CNTLN: variants seen among roughly 807,000 people sequenced by gnomAD.
CNTLN encodes centlein, centrosomal protein.
Under a neutral mutation model 180.0 loss-of-function variants are expected in CNTLN, and 212 were observed. The ratio of observed to expected loss-of-function variants is 1.18; its 90% confidence interval spans 1.05 to 1.32. CNTLN has a LOEUF of 1.32. Ranked by LOEUF, CNTLN falls within the 40% of genes most tolerant of loss-of-function variation. The pLI is 0.00. For missense variants in CNTLN, 2,095 were observed against 1,610.9 expected (o/e 1.30, Z -5.14); for synonymous variants, 722 against 563.1 (o/e 1.28, Z -3.99).
At chr9:17,294,016 C>T (rs1448199675) in intron 6 of CNTLN, among the ~76,000 whole-genome samples, 1 of 152,174 alleles carries the variant, frequency 6.6e-6, no homozygotes, top group Non-Finnish European at 1.5e-5. Flanking sequence ...GTGAGTGTTA[C>T]AGTTCTTAAA....
chr9:17,495,417 G>A (rs1485517547), intron 25 of CNTLN, among the ~76,000 whole-genome samples: 1 of 151,502 alleles, frequency 6.6e-6, no homozygotes, highest in Non-Finnish European at 1.5e-5. Flanking sequence ...GTAGGCCCAG[G>A]GTAATGTGTG....
chr9:17,388,197 A>C lies in CNTLN; in HGVS notation c.2023A>C (p.Lys675Gln). ...TAGATCTGGTGAAGATGATGAGGTCAAGAGGAGTACTCCAGAGAAGAATGG... is the reference window on the plus strand; with the variant it reads ...TAGATCTGGTGAAGATGATGAGGTCCAGAGGAGTACTCCAGAGAAGAATGG... Reference protein sequence around the residue: ...LFRSGEDDEVKRSTPEKNGKE... With the variant: ...LFRSGEDDEVQRSTPEKNGKE... Residue 675 changes from lysine (K) to glutamine (Q), a missense_variant, in exon 14 of 26, where the codon AAG becomes CAG. By Grantham distance (53) the Lys-to-Gln change is moderately conservative. Coordinates refer to ENST00000380647, the MANE Select transcript of CNTLN (RefSeq NM_017738.4). The C allele has an allele frequency of 6.2e-7, 1 of 1,612,524 alleles. No homozygotes were observed. The highest frequency in any genetic ancestry group is 1.1e-5 in the South Asian group (1 of 90,964).
intron 6 of CNTLN, among the ~76,000 whole-genome samples, chr9:17,280,100 T>C (rs1334354270): frequency 6.6e-6 from 1 of 152,182 alleles, no homozygotes; most frequent in East Asian, 1.9e-4. Flanking sequence ...CCTTTTTCTT[T>C]ATAAATTACC....
intron 19 of CNTLN, 146 bp downstream of exon 19, chr9:17,457,861 T>G: frequency 2.1e-6 from 1 of 466,920 alleles, no homozygotes; most frequent in Non-Finnish European, 3.6e-6. Flanking sequence ...TCATCATTAA[T>G]TTTTAGCCTG....
At chr9:17,524,712 A>T in the CNTLN span, among the ~76,000 whole-genome samples, 1 of 152,228 alleles carries the variant, frequency 6.6e-6, no homozygotes, top group Non-Finnish European at 1.5e-5. Flanking sequence ...GTAAACTTTA[A>T]ATCCTTCTCT....
chr9:17,361,269 T>C (rs1823368232), intron 12 of CNTLN, among the ~76,000 whole-genome samples: 1 of 152,114 alleles, frequency 6.6e-6, no homozygotes, highest in African/African-American at 2.4e-5. Flanking sequence ...TGTCCATGTG[T>C]TCTCATTGTT....
chr9:17,434,096 A>G (rs937354741), intron 18 of CNTLN, among the ~76,000 whole-genome samples: 1 of 152,136 alleles, frequency 6.6e-6, no homozygotes, highest in Non-Finnish European at 1.5e-5. Context: ...CTGTAGTGAT[A>G]GTCCTTGTTT....
chr9:17,152,410 G>C (rs189863913), intron 2 of CNTLN, among the ~76,000 whole-genome samples: 310 of 152,130 alleles, frequency 2.0e-3, no homozygotes, highest in African/African-American at 6.9e-3. Context: ...CCTTCATTTC[G>C]TTATTTACCC....
At chr9:17,366,578 C>A (rs572359319) in intron 12 of CNTLN, 39 bp from the exon 13 acceptor site, 34 of 989,570 alleles carry the variant, frequency 3.4e-5, no homozygotes, top group Non-Finnish European at 4.7e-5. Context: ...TTAAATAAAA[C>A]AATATGGTTT....
Position 17,266,147 on chromosome 9 carries a change from A to G in CNTLN, c.850-7586A>G, listed in dbSNP as rs534679779. Among the ~76,000 whole-genome samples, 765 of 105,690 alleles carry G rather than the reference A, an allele frequency of 7.2e-3. 4 individuals are homozygous for G. The highest frequency in any genetic ancestry group is 0.032 in the African/African-American group (711 of 21,896). The allele number at this position is 105,690 out of a possible 152,430, so 69.3% of individuals were successfully genotyped here. A position where few individuals can be genotyped will look rare whatever the true frequency, so the allele number is the denominator to read the frequency against. On this transcript the variant is annotated intron_variant, in intron 5 of 25. Transcript: ENST00000380647. Reference sequence around the variant, plus strand: ...TGTGAAGTTAGGGTGTCAGTTTTGGATCTTCCTGCTTTCTCTTTTGGGCAT... The same window carrying G: ...TGTGAAGTTAGGGTGTCAGTTTTGGGTCTTCCTGCTTTCTCTTTTGGGCAT...
At chr9:17,495,222 A>G (rs937992165) in intron 25 of CNTLN, among the ~76,000 whole-genome samples, 22 of 151,790 alleles carry the variant, frequency 1.4e-4, no homozygotes, top group Admixed American at 1.0e-3. Context: ...GTGTACTCTT[A>G]TACTTATTAA....
intron 10 of CNTLN, among the ~76,000 whole-genome samples, chr9:17,333,072 C>T (rs1820752058): frequency 6.6e-6 from 1 of 151,990 alleles, no homozygotes; most frequent in Admixed American, 6.6e-5. Flanking sequence ...ATATGATAAA[C>T]ATATGTAAAT....
intron 15 of CNTLN, among the ~76,000 whole-genome samples, chr9:17,400,019 T>C (rs1240095282): frequency 6.6e-6 from 1 of 152,250 alleles, no homozygotes; most frequent in East Asian, 1.9e-4. Flanking sequence ...GTAAAACTTA[T>C]ATTAAATAGA....
chr9:17,400,944 A>G (rs921119638), intron 15 of CNTLN, among the ~76,000 whole-genome samples: 2 of 152,168 alleles, frequency 1.3e-5, no homozygotes, highest in African/African-American at 4.8e-5. Flanking sequence ...ACACATAAAA[A>G]TCTTTATGAT....
chr9:17,296,303 C>A (rs1300698614), intron 6 of CNTLN, among the ~76,000 whole-genome samples: 2 of 152,034 alleles, frequency 1.3e-5, no homozygotes, highest in African/African-American at 4.8e-5. Flanking sequence ...CAGGTGTGAG[C>A]CATCGCACCC....
intron 2 of CNTLN, among the ~76,000 whole-genome samples, chr9:17,216,364 C>T (rs976430187): frequency 1.3e-5 from 2 of 152,042 alleles, no homozygotes; most frequent in African/African-American, 4.8e-5. Context: ...TTTTCTTGTG[C>T]TCACTTTCCT....
At chr9:17,310,743 A>C (rs1819074764) in intron 8 of CNTLN, among the ~76,000 whole-genome samples, 1 of 152,142 alleles carries the variant, frequency 6.6e-6, no homozygotes, top group Non-Finnish European at 1.5e-5. Context: ...GTGTTGTCAG[A>C]CTTCTTAATT....
At chr9:17,312,673 G>T (rs1341017159) in intron 8 of CNTLN, among the ~76,000 whole-genome samples, 2 of 150,850 alleles carry the variant, frequency 1.3e-5, no homozygotes, top group African/African-American at 4.9e-5. Flanking sequence ...AAAGTGCTGG[G>T]ATTACAGGCG....
intron 2 of CNTLN, among the ~76,000 whole-genome samples, chr9:17,166,649 C>T (rs530173794): frequency 3.2e-4 from 48 of 152,240 alleles, no homozygotes; most frequent in Non-Finnish European, 5.4e-4. Context: ...CAGTGATTGT[C>T]TCAATTGCTA....
Sources: gnomAD v4.1 joint callset for allele counts (sites outside exome capture counted in the v4.1 genomes callset) on GRCh38, gnomAD v4.1.1 for gene constraint, MANE v1.5 for transcripts, NCBI Gene and HGNC (gene_info 2026-07-23, HGNC 2026-07-21) for gene names.